The following AAK1 variants were observed in gnomAD, a reference collection of about 807,000 sequenced individuals.
AAK1 encodes the protein AP2-associated protein kinase 1.
A neutral mutation model predicts 116.0 loss-of-function variants in AAK1; 37 were observed. The ratio of observed to expected loss-of-function variants is 0.32; its 90% CI spans 0.25 to 0.42. The LOEUF (loss-of-function observed/expected upper bound fraction) is 0.42. AAK1 is among the 10% of genes least tolerant of loss of function. The pLI, the probability that AAK1 is intolerant of heterozygous loss-of-function variation, is 1.00. For missense variants in AAK1, 919 were observed against 1,170.6 expected, an observed-to-expected ratio of 0.79 and a Z score of 3.14; for synonymous variants, 458 against 439.9, an observed-to-expected ratio of 1.04 and a Z score of -0.51.
chr2:69,473,848 C>G lies in AAK1; in HGVS notation c.*2021G>C. 1.0e-6 allele frequency: 1 copy of G among 985,814 alleles called. No homozygotes were observed. The highest frequency in any genetic ancestry group is 1.2e-6 in the Non-Finnish European group (1 of 829,920). The allele number at this position is 985,814 out of a possible 1,614,324, so 61.1% of individuals were successfully genotyped here. ...TATGTCCAGGAAAGAGAATACAATT[C>G]TGACCTGCAGCAATTTTCCTGTCCA... is the stretch of plus-strand genomic sequence containing the variant. On this transcript the variant is annotated 3_prime_UTR_variant, in exon 22 of 22. Transcript: ENST00000409085.
chr2:69,628,018 G>T (rs1012290130), intron 2 of AAK1, among the ~76,000 whole-genome samples: 1 of 152,104 alleles, frequency 6.6e-6, no homozygotes, highest in South Asian at 2.1e-4. Context: ...TATTAACACT[G>T]ATTTTTCTAA....
At chr2:69,563,986 G>A (rs1237919074) in intron 2 of AAK1, among the ~76,000 whole-genome samples, 1 of 152,150 alleles carries the variant, frequency 6.6e-6, no homozygotes, top group Non-Finnish European at 1.5e-5. Context: ...GAGGTCAGGA[G>A]ATTGAGACCG....
intron 17 of AAK1, among the ~76,000 whole-genome samples, chr2:69,495,316 C>T (rs1407061566): frequency 1.3e-5 from 2 of 152,142 alleles, no homozygotes; most frequent in East Asian, 1.9e-4. Flanking sequence ...CAGAACACAT[C>T]AACCACTTTC....
Position 69,475,211 on chromosome 2 carries a change from T to G in AAK1, c.*658A>C. 5.1e-6 allele frequency: 5 copies of G among 985,850 alleles called. No homozygotes were observed. The highest frequency in any genetic ancestry group is 6.0e-6 in the Non-Finnish European group (5 of 829,958). The allele number at this position is 985,850 out of a possible 1,614,324, so 61.1% of individuals were successfully genotyped here. On this transcript the variant is annotated 3_prime_UTR_variant, in exon 22 of 22. Transcript: ENST00000409085. ...GAAAGCTGGACGAATGCTGGGCAGG[T>G]TGCATGGGGTGTAAAATCCCTTGGC...
chr2:69,504,672 C>T lies in AAK1; in HGVS notation c.2269+897G>A, dbSNP rs963026031. Reference sequence around the variant, plus strand: ...ATCCTAGCTACTCTGGAGGCTGAGGCGGGAGAATCACTTGAACCCAGGAGG... The same window carrying T: ...ATCCTAGCTACTCTGGAGGCTGAGGTGGGAGAATCACTTGAACCCAGGAGG... On this transcript the variant is annotated intron_variant, in intron 16 of 21. Coordinates refer to ENST00000409085, the MANE Select transcript of AAK1 (RefSeq NM_014911.5). 5.3e-5 allele frequency among the ~76,000 whole-genome samples: 8 copies of T among 151,894 alleles called. No individual in the cohort carries two copies. In the East Asian group the frequency reaches 5.8e-4, roughly 11 times the overall value.
intron 2 of AAK1, among the ~76,000 whole-genome samples, chr2:69,578,976 TTG>T: frequency 6.6e-6 from 1 of 152,108 alleles, no homozygotes; most frequent in East Asian, 1.9e-4. Flanking sequence ...GCTAATTTTT[TTG>T]TGTTTTTATT....
chr2:69,480,904 TG>T lies in AAK1; in HGVS notation c.2524del (p.Gln842SerfsTer10). 6.2e-7 allele frequency: 1 copy of T among 1,607,150 alleles called. No individual in the cohort carries two copies. Among genetic ancestry groups the T allele is most frequent in the Non-Finnish European group, 8.5e-7 (1 of 1,177,444 alleles). On this transcript the variant is annotated frameshift_variant, in exon 19 of 22. Transcript: ENST00000409085. LOFTEE classifies it high-confidence loss of function. The part of the protein sequence containing the change: ...LIPGLEPPVP[Q>X]RLPSQTESVT... ...AGATTCCGTCTGAGATGGGAGGCGC[TG>T]GGGAACTGGGGGCTCCAGTCCTGGT...
intron 17 of AAK1, among the ~76,000 whole-genome samples, chr2:69,493,076 G>C (rs938180435): frequency 6.8e-6 from 1 of 147,610 alleles, no homozygotes; most frequent in South Asian, 2.2e-4. Flanking sequence ...GGAGAATGGC[G>C]TGAACCCGGG....
In AAK1 at chr2:69,482,784, A is replaced by T; in HGVS notation, c.2394T>A (p.Pro798=). ...GGTCAGGGAGCAGAAGAGAAGTGTC[A>T]GGAGATTTGAGTCCCTCAATTAGTT... ...PEKLIEGLKS[P]DTSLLLPDLL... The change falls in exon 18 of 22, where the codon CCT becomes CCA. Residue 798 remains proline, a synonymous_variant. Coordinates refer to ENST00000409085, the MANE Select transcript of AAK1 (RefSeq NM_014911.5). 6.2e-7 allele frequency: 1 copy of T among 1,613,626 alleles called. No homozygotes were observed. Among genetic ancestry groups the T allele is most frequent in the Non-Finnish European group, 8.5e-7 (1 of 1,179,534 alleles).
In AAK1 at chr2:69,473,154, GT is replaced by G; in HGVS notation, c.*2714del. 1 of 795,874 alleles carries G rather than the reference GT, an allele frequency of 1.3e-6. No homozygotes were observed. The highest frequency in any genetic ancestry group is 1.5e-6 in the Non-Finnish European group (1 of 657,084). The allele number at this position is 795,874 out of a possible 1,614,324, so 49.3% of individuals were successfully genotyped here. A position where few individuals can be genotyped will look rare whatever the true frequency, so the allele number is the denominator to read the frequency against. Reference sequence around the variant, plus strand: ...CTGAGAGGTGAAGTGCCTGCTGAAGGTCACTCAGCCAGTGGCTGGCAAGGGC... The same window carrying G: ...CTGAGAGGTGAAGTGCCTGCTGAAGGCACTCAGCCAGTGGCTGGCAAGGGC... On this transcript the variant is annotated 3_prime_UTR_variant, in exon 22 of 22. Coordinates refer to ENST00000409085, the MANE Select transcript of AAK1 (RefSeq NM_014911.5).
chr2:69,485,373 A>G (rs1389140858), intron 17 of AAK1, among the ~76,000 whole-genome samples: 1 of 152,162 alleles, frequency 6.6e-6, no homozygotes. Flanking sequence ...TAACCTTCTG[A>G]CATTATCTCC....
chr2:69,496,260 C>G (rs934834111), intron 16 of AAK1, among the ~76,000 whole-genome samples, 180 bp from the exon 17 acceptor site: 2 of 150,458 alleles, frequency 1.3e-5, no homozygotes, highest in African/African-American at 4.9e-5. Flanking sequence ...CTATGAGATA[C>G]TCAATCTGGC....
intron 2 of AAK1, among the ~76,000 whole-genome samples, chr2:69,637,387 C>T (rs531687080): frequency 6.6e-6 from 1 of 152,268 alleles, no homozygotes; most frequent in South Asian, 2.1e-4. Context: ...ACAGCCATGT[C>T]TCATTTATCT....
At chr2:69,484,285 T>A (rs1233008651) in intron 17 of AAK1, among the ~76,000 whole-genome samples, 1 of 152,190 alleles carries the variant, frequency 6.6e-6, no homozygotes, top group Non-Finnish European at 1.5e-5. Flanking sequence ...TTTTAGGTGA[T>A]CTTCAATTTA....
chr2:69,631,911 C>T (rs1002238012), intron 2 of AAK1, among the ~76,000 whole-genome samples: 2 of 152,050 alleles, frequency 1.3e-5, no homozygotes, highest in African/African-American at 4.8e-5. Context: ...GCCCGGGAGG[C>T]GGAGGTTGCA....
At chr2:69,578,865 G>A (rs1167353179) in intron 2 of AAK1, among the ~76,000 whole-genome samples, 1 of 149,834 alleles carries the variant, frequency 6.7e-6, no homozygotes, top group East Asian at 2.0e-4. Context: ...GTGCAGTGGC[G>A]CGGTCTCGGC....
At chr2:69,517,438 C>T (rs949752029) in intron 12 of AAK1, among the ~76,000 whole-genome samples, 2 of 152,036 alleles carry the variant, frequency 1.3e-5, no homozygotes, top group Non-Finnish European at 2.9e-5. Flanking sequence ...ACAGACAACA[C>T]CTCAATACAC....
chr2:69,596,081 T>C lies in AAK1; in HGVS notation c.164-39103A>G, dbSNP rs1572991202. Among the ~76,000 whole-genome samples the C allele has an allele frequency of 4.6e-5, 7 of 152,312 alleles. No individual in the cohort carries two copies. The South Asian group carries it at 1.2e-3, about 27-fold the overall frequency. ...ACTTACTACTCAGGAAAAACAAAAT[T>C]CGTTGCAAAATATTACTGCTCCTTG... On this transcript the variant is annotated intron_variant, in intron 2 of 21. Transcript: ENST00000409085.
Position 69,468,383 on chromosome 2 carries a change from A to G in AAK1, c.*7486T>C. ...AAGGTTTGCAGAGCCTTAAAGAAGG[A>G]CAAGAGGGCCCTAAAACTCCTTGAA... is the stretch of plus-strand genomic sequence containing the variant. On this transcript the variant is annotated 3_prime_UTR_variant, in exon 22 of 22. Coordinates refer to ENST00000409085, the MANE Select transcript of AAK1 (RefSeq NM_014911.5). The G allele has an allele frequency of 1.0e-6, 1 of 985,428 alleles. No homozygotes were observed. Among genetic ancestry groups the G allele is most frequent in the Non-Finnish European group, 1.2e-6 (1 of 829,912 alleles). The allele number at this position is 985,428 out of a possible 1,614,324, so 61.0% of individuals were successfully genotyped here.
Sources: allele counts gnomAD v4.1 joint callset (sites outside exome capture counted in the v4.1 genomes callset), GRCh38; gene constraint gnomAD v4.1.1; transcripts MANE v1.5; gene names NCBI Gene and HGNC (gene_info 2026-07-23, HGNC 2026-07-21).